The following MAPK8 variants were observed in gnomAD, a reference collection of about 807,000 sequenced individuals.
The protein encoded by MAPK8 is mitogen-activated protein kinase 8.
Under a neutral mutation model 52.9 loss-of-function variants are expected in MAPK8, and 13 were observed. That is an observed-to-expected ratio of 0.25 (90% confidence interval 0.16 to 0.39). The LOEUF is 0.39. Ranked by LOEUF, MAPK8 falls within the 10% of genes least tolerant of loss-of-function variation. MAPK8 has a pLI of 1.00. For synonymous variants in MAPK8, 191 were observed against 169.8 expected (o/e 1.12, Z -0.97); for missense variants, 300 against 519.2 (o/e 0.58, Z 4.10).
chr10:48,344,917 G>C (rs1291121120), intron 1 of MAPK8, among the ~76,000 whole-genome samples: 1 of 152,102 alleles, frequency 6.6e-6, no homozygotes, highest in Non-Finnish European at 1.5e-5. Flanking sequence ...AATCCAGGTA[G>C]AGTCAGTAAA....
intron 1 of MAPK8, among the ~76,000 whole-genome samples, chr10:48,392,990 A>T (rs1405446069): frequency 6.6e-6 from 1 of 151,584 alleles, no homozygotes; most frequent in Non-Finnish European, 1.5e-5. Flanking sequence ...TCTTTAAAAC[A>T]CTCTCTTCCT....
At chr10:48,377,594 C>T (rs1037718400) in intron 1 of MAPK8, among the ~76,000 whole-genome samples, 2 of 152,102 alleles carry the variant, frequency 1.3e-5, no homozygotes, top group African/African-American at 2.4e-5. Context: ...GTCTTCTTTC[C>T]ACCCCTCCCC....
intron 3 of MAPK8, among the ~76,000 whole-genome samples, chr10:48,406,963 GTCTT>G (rs1272053045): frequency 6.6e-6 from 1 of 152,196 alleles, no homozygotes; most frequent in African/African-American, 2.4e-5. Context: ...GACTCCCGTT[GTCTT>G]TCTTTGTTAC....
At chr10:48,386,695 G>A (rs1485877676) in intron 1 of MAPK8, among the ~76,000 whole-genome samples, 1 of 152,136 alleles carries the variant, frequency 6.6e-6, no homozygotes, top group Non-Finnish European at 1.5e-5. Context: ...CAGGCACGGT[G>A]GCTCACATCT....
intron 3 of MAPK8, among the ~76,000 whole-genome samples, chr10:48,406,534 T>C (rs2042481300): frequency 6.6e-6 from 1 of 152,192 alleles, no homozygotes; most frequent in Non-Finnish European, 1.5e-5. Context: ...GGCAGAACTC[T>C]CAGCACCTAG....
chr10:48,417,756 C>T (rs1206817165), intron 5 of MAPK8, among the ~76,000 whole-genome samples: 1 of 152,214 alleles, frequency 6.6e-6, no homozygotes, highest in Non-Finnish European at 1.5e-5. Context: ...ATTTGCAGAA[C>T]AATCTACCAT....
Position 48,420,062 on chromosome 10 carries a change from G to C in MAPK8, c.451-93G>C, listed in dbSNP as rs2043269586. ...AGTGAGAAAAACGAACAATTAACAT[G>C]AATGTTTTGCAAGGGATAGTATAAC... On this transcript the variant is annotated intron_variant, in intron 5 of 11. Transcript: ENST00000374189. 15 of 913,778 alleles carry C rather than the reference G, an allele frequency of 1.6e-5. No individual in the cohort carries two copies. The South Asian group carries it at 2.8e-4, about 17-fold the overall frequency. The allele number at this position is 913,778 out of a possible 1,614,324, so 56.6% of individuals were successfully genotyped here. A position where few individuals can be genotyped will look rare whatever the true frequency, so the allele number is the denominator to read the frequency against.
At chr10:48,401,474 T>TC in intron 1 of MAPK8, 138 bp from the exon 2 acceptor site, 1 of 527,212 alleles carries the variant, frequency 1.9e-6, no homozygotes, top group East Asian at 3.6e-5. Context: ...GTATTTTTTT[T>TC]CTTATGTTTT....
intron 1 of MAPK8, among the ~76,000 whole-genome samples, chr10:48,343,649 GC>G (rs1486837147): frequency 6.6e-6 from 1 of 152,206 alleles, no homozygotes; most frequent in Non-Finnish European, 1.5e-5. Flanking sequence ...GAGAGTGGAA[GC>G]CAGATTGAGA....
chr10:48,336,693 C>T (rs1216706583), intron 1 of MAPK8, among the ~76,000 whole-genome samples: 3 of 151,838 alleles, frequency 2.0e-5, no homozygotes, highest in Non-Finnish European at 2.9e-5. Context: ...TTGTGATAAC[C>T]CTGTGGGTTG....
intron 1 of MAPK8, among the ~76,000 whole-genome samples, chr10:48,362,966 C>T (rs145928026): frequency 0.036 from 5,474 of 152,142 alleles, 135 homozygotes; most frequent in Non-Finnish European, 0.048. Flanking sequence ...GTCTCGAACT[C>T]CTGACTTCAT....
intron 1 of MAPK8, among the ~76,000 whole-genome samples, chr10:48,337,214 A>G (rs1257618670): frequency 6.6e-6 from 1 of 152,204 alleles, no homozygotes; most frequent in Non-Finnish European, 1.5e-5. Context: ...ATGCTCAGTC[A>G]TAAAGCAAGT....
chr10:48,358,953 A>G (rs1356946044), intron 1 of MAPK8, among the ~76,000 whole-genome samples: 1 of 152,052 alleles, frequency 6.6e-6, no homozygotes, highest in Non-Finnish European at 1.5e-5. Flanking sequence ...GTTCTATTCC[A>G]TTGATCTGCA....
In MAPK8 at chr10:48,360,396, T is replaced by C. The variant is rs555325534; in HGVS notation, c.-49-41216T>C. 1.3e-3 allele frequency among the ~76,000 whole-genome samples: 205 copies of C among 152,284 alleles called. 4 individuals carry two copies. The highest frequency in any genetic ancestry group is 0.01 in the Middle Eastern group (3 of 294). On this transcript the variant is annotated intron_variant, in intron 1 of 11. Transcript: ENST00000374189. ...TTGGTTTTTTTATCACCTAAAATAG[T>C]TGAGCAGGTGCTTATCCTATGGCCC...
chr10:48,370,047 G>A (rs1446457895), intron 1 of MAPK8, among the ~76,000 whole-genome samples: 2 of 152,152 alleles, frequency 1.3e-5, no homozygotes, highest in African/African-American at 4.8e-5. Context: ...TAAAATATCA[G>A]GGTCTTGATC....
intron 10 of MAPK8, chr10:48,430,978 T>C (rs1472693325): frequency 3.5e-6 from 2 of 572,558 alleles, no homozygotes; most frequent in Admixed American, 3.3e-5. Context: ...ACAGGAAAGA[T>C]TAGTACTTCC....
At chr10:48,404,483 C>A (rs1298716926) in intron 2 of MAPK8, among the ~76,000 whole-genome samples, 1 of 152,122 alleles carries the variant, frequency 6.6e-6, no homozygotes, top group East Asian at 1.9e-4. Flanking sequence ...CCTACCTTTT[C>A]TTGATGGAAG....
intron 3 of MAPK8, among the ~76,000 whole-genome samples, chr10:48,405,307 A>G (rs1667312035): frequency 6.6e-6 from 1 of 152,176 alleles, no homozygotes; most frequent in South Asian, 2.1e-4. Context: ...TCAGGCTGAC[A>G]TTTAGAAAAC....
At chr10:48,377,636 C>G (rs1039641813) in intron 1 of MAPK8, among the ~76,000 whole-genome samples, 3 of 152,074 alleles carry the variant, frequency 2.0e-5, no homozygotes, top group Non-Finnish European at 2.9e-5. Flanking sequence ...TATTGCCCAC[C>G]ACATGGGCAG....
Sources: allele counts gnomAD v4.1 joint callset (sites outside exome capture counted in the v4.1 genomes callset), GRCh38; gene constraint gnomAD v4.1.1; transcripts MANE v1.5; gene names NCBI Gene and HGNC (gene_info 2026-07-23, HGNC 2026-07-21).